The following WDPCP variants were observed in gnomAD, a reference collection of about 807,000 sequenced individuals.
The protein encoded by WDPCP is WD repeat-containing and planar cell polarity effector protein fritz homolog.
WDPCP carries 71 observed loss-of-function variants against 93.1 expected under a neutral mutation model. That is an observed-to-expected ratio of 0.76 (90% CI 0.63 to 0.93). WDPCP has a LOEUF of 0.93. Among genes scored for constraint, WDPCP ranks in the 40% least tolerant of loss-of-function variants. The probability of loss-of-function intolerance (pLI) is 0.00; values close to 1 mark genes in which losing one functional copy is unlikely to be tolerated. For missense variants in WDPCP, 844 were observed against 887.4 expected (o/e 0.95, Z 0.62); for synonymous variants, 315 against 315.0 (o/e 1.00, Z 0.00).
intron 1 of WDPCP, among the ~76,000 whole-genome samples, chr2:63,538,855 T>C (rs1374157506): frequency 6.6e-6 from 1 of 152,186 alleles, no homozygotes; most frequent in African/African-American, 2.4e-5. Flanking sequence ...TGAGAGTCAG[T>C]ATCCTATCAA....
At chr2:63,515,131 AT>A (rs1294692115) in intron 1 of WDPCP, among the ~76,000 whole-genome samples, 1 of 152,168 alleles carries the variant, frequency 6.6e-6, no homozygotes, top group Non-Finnish European at 1.5e-5. Context: ...TGATATACAT[AT>A]TTTAACTGTA....
chr2:63,726,718 C>T (rs989319176), intron 2 of WDPCP, among the ~76,000 whole-genome samples: 1 of 152,094 alleles, frequency 6.6e-6, no homozygotes, highest in African/African-American at 2.4e-5. Context: ...TAATTTCTTT[C>T]AGCAGTGTTT....
At chr2:63,792,861 GA>G (rs1024548530) in intron 2 of WDPCP, among the ~76,000 whole-genome samples, 1 of 144,908 alleles carries the variant, frequency 6.9e-6, no homozygotes, top group Non-Finnish European at 1.5e-5. Flanking sequence ...TTGTGTTTTA[GA>G]AAAAAAAATC....
intron 2 of WDPCP, among the ~76,000 whole-genome samples, chr2:63,721,030 G>C (rs1669406753): frequency 6.6e-6 from 1 of 152,168 alleles, no homozygotes; most frequent in Non-Finnish European, 1.5e-5. Context: ...TGTTAATAGG[G>C]ACATTTGAAC....
At chr2:63,353,230 G>T (rs1348331620) in intron 12 of WDPCP, among the ~76,000 whole-genome samples, 3 of 152,170 alleles carry the variant, frequency 2.0e-5, no homozygotes, top group Admixed American at 6.5e-5. Flanking sequence ...AGTCTCTGTA[G>T]AACAGTCCCT....
intron 2 of WDPCP, among the ~76,000 whole-genome samples, chr2:63,734,840 C>T (rs1669614728): frequency 6.6e-6 from 1 of 150,782 alleles, no homozygotes; most frequent in African/African-American, 2.4e-5. Context: ...TTTTAAGTTG[C>T]AGAAGGATAG....
In WDPCP at chr2:63,404,568, G is replaced by C; in HGVS notation, c.915C>G (p.Ser305=). ...CCATGGGCTCTTTGTCTACACTTACGGAGTGCTCCACTGTGAACACCTGAT... is the reference window on the plus strand; with the variant it reads ...CCATGGGCTCTTTGTCTACACTTACCGAGTGCTCCACTGTGAACACCTGAT... ...QPYQVFTVEH[S]VSVDKEPMAD... Residue 305 remains serine, a synonymous_variant, in exon 10 of 18, where the codon TCC becomes TCG. Transcript: ENST00000272321. The C allele has an allele frequency of 6.2e-7, 1 of 1,613,856 alleles. No homozygotes were observed. The highest frequency in any genetic ancestry group is 1.7e-5 in the Admixed American group (1 of 59,964).
At chr2:63,477,136 CATA>C (rs1381095932) in intron 6 of WDPCP, among the ~76,000 whole-genome samples, 1 of 152,128 alleles carries the variant, frequency 6.6e-6, no homozygotes, top group Non-Finnish European at 1.5e-5. Context: ...AAACTAATTG[CATA>C]ATAATCTACA....
intron 1 of WDPCP, among the ~76,000 whole-genome samples, chr2:63,531,826 C>G (rs768841630): frequency 6.6e-6 from 1 of 152,130 alleles, no homozygotes; most frequent in Non-Finnish European, 1.5e-5. Context: ...CGCAGCTCCT[C>G]GCCAGCAGCA....
chr2:63,809,005 G>A (rs1303559290), intron 2 of WDPCP, among the ~76,000 whole-genome samples: 2 of 151,970 alleles, frequency 1.3e-5, no homozygotes, highest in Non-Finnish European at 2.9e-5. Flanking sequence ...CCCCGTCTGG[G>A]ATGTGAGGAG....
chr2:63,329,295 T>TCG (rs1687806223), intron 12 of WDPCP, among the ~76,000 whole-genome samples: 1 of 152,206 alleles, frequency 6.6e-6, no homozygotes, highest in Admixed American at 6.6e-5. Context: ...ATTTGTCTGC[T>TCG]GTTCCTGGCT....
At position 63,404,043 on chromosome 2, in the gene WDPCP, C is replaced by T. The variant is rs1403553762; in HGVS notation, c.1435+5G>A. 6.2e-7 allele frequency: 1 copy of T among 1,614,010 alleles called. No individual in the cohort carries two copies. The highest frequency in any genetic ancestry group is 1.1e-5 in the South Asian group (1 of 91,086). ...TTTACTTACTCATCACTTTCCTTGA[C>T]TTACCTAGTTTAAACAACAGCACAC... On this transcript the variant is annotated splice_donor_5th_base_variant and intron_variant, in intron 10 of 17. Transcript: ENST00000272321.
chr2:63,600,387 A>G (rs1709395973), intron 3 of WDPCP, among the ~76,000 whole-genome samples: 1 of 152,146 alleles, frequency 6.6e-6, no homozygotes, highest in South Asian at 2.1e-4. Flanking sequence ...ACAGCTCATA[A>G]ATTACGGAGC....
At chr2:63,388,112 A>C (rs1045474212) in intron 10 of WDPCP, among the ~76,000 whole-genome samples, 2 of 152,128 alleles carry the variant, frequency 1.3e-5, no homozygotes, top group African/African-American at 4.8e-5. Flanking sequence ...TCACAGAATT[A>C]GAAAAAAAAA....
rs200707392 is a variant in WDPCP at position 63,131,300 on chromosome 2, AT to A, written c.2191-9245del. On this transcript the variant is annotated intron_variant, in intron 17 of 17. Transcript: ENST00000272321. ...ACTGCCCTCCCTTTGTAATCCATTG[AT>A]TTTTTTTTATAGTGACATACTTTGA... Among the ~76,000 whole-genome samples, 726 of 144,898 alleles carry A rather than the reference AT, an allele frequency of 5.0e-3. 5 individuals are homozygous for A. Among genetic ancestry groups the A allele is most frequent in the Middle Eastern group, 0.035 (10 of 284 alleles).
intron 2 of WDPCP, among the ~76,000 whole-genome samples, chr2:63,792,724 G>A (rs1216671934): frequency 6.6e-6 from 1 of 152,152 alleles, no homozygotes; most frequent in African/African-American, 2.4e-5. Context: ...AGTCAGAGCA[G>A]GAAGTGGAAA....
intron 17 of WDPCP, among the ~76,000 whole-genome samples, chr2:63,130,449 G>A (rs775920403): frequency 5.9e-5 from 9 of 151,932 alleles, no homozygotes; most frequent in African/African-American, 1.9e-4. Flanking sequence ...TTAGGTTCTC[G>A]ATTCTGTTCC....
chr2:63,449,278 G>C (rs778101634), intron 6 of WDPCP, among the ~76,000 whole-genome samples: 13 of 152,130 alleles, frequency 8.5e-5, no homozygotes, highest in Non-Finnish European at 1.3e-4. Flanking sequence ...TTAGTAATTA[G>C]ATGGTCACAC....
At chr2:63,231,263 G>C (rs186996673) in intron 14 of WDPCP, among the ~76,000 whole-genome samples, 14 of 152,218 alleles carry the variant, frequency 9.2e-5, no homozygotes, top group South Asian at 4.1e-4. Context: ...CCTTTGAAAA[G>C]TCGCACAAGA....
Sources: gnomAD v4.1 joint callset for allele counts (sites outside exome capture counted in the v4.1 genomes callset) on GRCh38, gnomAD v4.1.1 for gene constraint, MANE v1.5 for transcripts, NCBI Gene and HGNC (gene_info 2026-07-23, HGNC 2026-07-21) for gene names.